The following CCDC15 variants were observed in gnomAD, a reference collection of about 807,000 sequenced individuals.
CCDC15 encodes the protein coiled-coil domain containing 15.
In CCDC15, 105 loss-of-function variants were observed where a neutral mutation model predicts 114.5. The ratio of observed to expected loss-of-function variants is 0.92; its 90% confidence interval spans 0.78 to 1.08. The LOEUF is 1.08. Ranked by LOEUF, CCDC15 falls within the 50% of genes least tolerant of loss-of-function variation. The pLI is 0.00. For synonymous variants in CCDC15, 334 were observed against 377.8 expected (o/e 0.88, Z 1.34); for missense variants, 1,105 against 1,093.6 (o/e 1.01, Z -0.15).
intron 13 of CCDC15, among the ~76,000 whole-genome samples, chr11:125,009,991 A>T (rs1948578788): frequency 6.6e-6 from 1 of 152,168 alleles, no homozygotes; most frequent in Admixed American, 6.5e-5. Flanking sequence ...TTTTGGTAGA[A>T]GGATTCGTTG....
At chr11:124,975,540 T>G (rs1947959101) in intron 5 of CCDC15, among the ~76,000 whole-genome samples, 1 of 152,226 alleles carries the variant, frequency 6.6e-6, no homozygotes. Context: ...TTGCCAGCAT[T>G]GTTCTAGAAA....
At chr11:124,992,760 G>A in intron 10 of CCDC15, 73 bp downstream of exon 10, 1 of 813,024 alleles carries the variant, frequency 1.2e-6, no homozygotes, top group Non-Finnish European at 2.0e-6. Flanking sequence ...TTAACATTGA[G>A]GCTGAAGCCT....
chr11:124,967,451 G>A (rs923574006), intron 4 of CCDC15, among the ~76,000 whole-genome samples: 1 of 152,092 alleles, frequency 6.6e-6, no homozygotes, highest in Non-Finnish European at 1.5e-5. Context: ...CATTCGTCAC[G>A]TAGTTCTCGT....
Position 124,991,633 on chromosome 11 carries a change from T to C in CCDC15, c.2031+50T>C, listed in dbSNP as rs111982035. 25 of 1,480,540 alleles carry C rather than the reference T, an allele frequency of 1.7e-5. No individual in the cohort carries two copies. The African/African-American group carries it at 1.8e-4, about 11-fold the overall frequency. 91.7% of individuals were successfully genotyped at this position (1,480,540 alleles called of 1,614,324 possible). On this transcript the variant is annotated intron_variant, in intron 9 of 15. Transcript: ENST00000344762. Reference sequence around the variant, plus strand: ...ACAGGAAGGAAGTACCCAGGTTTTATAAATCCCAACAACTGGTAATTTAGA... The same window carrying C: ...ACAGGAAGGAAGTACCCAGGTTTTACAAATCCCAACAACTGGTAATTTAGA...
At chr11:124,982,245 C>G (rs73619296) in intron 6 of CCDC15, among the ~76,000 whole-genome samples, 2,168 of 152,252 alleles carry the variant, frequency 0.014, 29 homozygotes, top group African/African-American at 0.047. Context: ...CTTTACCCAA[C>G]TTGCCACTCT....
intron 13 of CCDC15, among the ~76,000 whole-genome samples, chr11:125,036,570 C>T (rs899129969): frequency 5.9e-5 from 9 of 152,256 alleles, no homozygotes; most frequent in South Asian, 2.1e-4. Context: ...CCTCATCTTT[C>T]GATTTCCTCC....
At chr11:125,040,546 T>G in intron 15 of CCDC15, 44 bp from the exon 16 acceptor site, 1 of 1,557,916 alleles carries the variant, frequency 6.4e-7, no homozygotes, top group Non-Finnish European at 8.7e-7. Flanking sequence ...TAGAGTTGTT[T>G]AGAATTTGAC....
chr11:124,993,038 A>G (rs1257496552), intron 10 of CCDC15, 131 bp from the exon 11 acceptor site: 2 of 565,474 alleles, frequency 3.5e-6, no homozygotes, highest in Non-Finnish European at 3.1e-6. Flanking sequence ...GAACACACAC[A>G]CAGCTTTAAC....
At chr11:124,967,565 A>G (rs1947806030) in intron 4 of CCDC15, among the ~76,000 whole-genome samples, 1 of 152,162 alleles carries the variant, frequency 6.6e-6, no homozygotes, top group Non-Finnish European at 1.5e-5. Context: ...CTTCCTTGCG[A>G]TGGGTTCAAA....
At chr11:124,969,776 A>G (rs1289655676) in intron 4 of CCDC15, among the ~76,000 whole-genome samples, 1 of 152,216 alleles carries the variant, frequency 6.6e-6, no homozygotes, top group East Asian at 1.9e-4. Flanking sequence ...TATTTGAAGA[A>G]TACACATGGG....
At chr11:124,998,371 C>CA (rs1389774954) in intron 11 of CCDC15, among the ~76,000 whole-genome samples, 1 of 152,142 alleles carries the variant, frequency 6.6e-6, no homozygotes, top group Non-Finnish European at 1.5e-5. Flanking sequence ...TCTCAGTCTT[C>CA]AGGCAGGAAG....
At chr11:124,972,074 T>A (rs1947893461) in intron 4 of CCDC15, among the ~76,000 whole-genome samples, 1 of 152,210 alleles carries the variant, frequency 6.6e-6, no homozygotes, top group African/African-American at 2.4e-5. Flanking sequence ...TGATTATGTT[T>A]CCGTCTATGT....
chr11:124,977,015 C>CT (rs2135462289), intron 5 of CCDC15, among the ~76,000 whole-genome samples: 1 of 152,230 alleles, frequency 6.6e-6, no homozygotes, highest in South Asian at 2.1e-4. Context: ...CAACAATTTT[C>CT]TACCTTCTTA....
intron 13 of CCDC15, among the ~76,000 whole-genome samples, chr11:125,029,401 A>C (rs1468939319): frequency 6.6e-6 from 1 of 152,250 alleles, no homozygotes; most frequent in Non-Finnish European, 1.5e-5. Context: ...TAATACAACT[A>C]TTCTTCATAC....
intron 6 of CCDC15, among the ~76,000 whole-genome samples, chr11:124,983,869 C>T (rs886959381): frequency 2.6e-5 from 4 of 152,060 alleles, no homozygotes; most frequent in African/African-American, 4.8e-5. Flanking sequence ...TGCAGTGCTG[C>T]ACCAGAGGAT....
At chr11:124,984,172 C>T (rs941174149) in intron 6 of CCDC15, among the ~76,000 whole-genome samples, 3 of 152,118 alleles carry the variant, frequency 2.0e-5, no homozygotes, top group Non-Finnish European at 2.9e-5. Context: ...TGCACACACA[C>T]ATGTGAGTAA....
At chr11:124,979,698 C>G (rs1948033805) in intron 6 of CCDC15, among the ~76,000 whole-genome samples, 1 of 152,170 alleles carries the variant, frequency 6.6e-6, no homozygotes. Flanking sequence ...GGTATAGAAT[C>G]ATATCTTCTG....
At chr11:124,997,860 T>G (rs1233129069) in intron 11 of CCDC15, among the ~76,000 whole-genome samples, 3 of 152,096 alleles carry the variant, frequency 2.0e-5, no homozygotes, top group East Asian at 1.9e-4. Context: ...AAGAATCACT[T>G]GAACTCAGGA....
chr11:125,007,240 T>G (rs899307787), intron 13 of CCDC15, among the ~76,000 whole-genome samples: 1 of 152,212 alleles, frequency 6.6e-6, no homozygotes, highest in Non-Finnish European at 1.5e-5. Flanking sequence ...CATCCTCTCC[T>G]CCCTTCCCAC....
Sources: gnomAD v4.1 joint callset for allele counts (sites outside exome capture counted in the v4.1 genomes callset) on GRCh38, gnomAD v4.1.1 for gene constraint, MANE v1.5 for transcripts, NCBI Gene and HGNC (gene_info 2026-07-23, HGNC 2026-07-21) for gene names.